The following CFLAR variants were observed in gnomAD, a reference collection of about 807,000 sequenced individuals.
CFLAR encodes CASP8 and FADD like apoptosis regulator.
In CFLAR, 14 loss-of-function variants were observed where a neutral mutation model predicts 51.1. The ratio of observed to expected loss-of-function variants is 0.27; its 90% CI spans 0.18 to 0.43. CFLAR has a LOEUF of 0.43. Ranked by LOEUF, CFLAR falls within the 20% of genes least tolerant of loss-of-function variation. The probability of loss-of-function intolerance (pLI) is 1.00; values close to 1 mark genes in which losing one functional copy is unlikely to be tolerated. For synonymous variants in CFLAR, 210 were observed against 211.6 expected (o/e 0.99, Z 0.06); for missense variants, 390 against 566.5 (o/e 0.69, Z 3.16).
chr2:201,133,314 G>T (rs546190758), intron 3 of CFLAR, among the ~76,000 whole-genome samples, 180 bp downstream of exon 3: 2 of 152,168 alleles, frequency 1.3e-5, no homozygotes, highest in Admixed American at 6.5e-5. Flanking sequence ...GAAGAAATAG[G>T]ATTATAACAT....
intron 6 of CFLAR, 178 bp from the exon 7 acceptor site, chr2:201,148,825 A>T (rs1435379256): frequency 1.9e-6 from 1 of 540,532 alleles, no homozygotes; most frequent in Non-Finnish European, 3.4e-6. Flanking sequence ...GTGTTTTCTT[A>T]TGTCACTTTC....
chr2:201,149,184 T>C (rs1048772117), intron 7 of CFLAR, 132 bp downstream of exon 7: 3 of 628,108 alleles, frequency 4.8e-6, no homozygotes, highest in African/African-American at 3.7e-5. Flanking sequence ...TCCTGAGAAC[T>C]TCCATACAAG....
At position 201,136,097 on chromosome 2, in the gene CFLAR, C is replaced by T. The variant is rs1419993425; in HGVS notation, c.513C>T (p.Tyr171=). ...ACCTGAAGACAAAAATCCAGAAGTA[C>T]AAGCAGTCTGGTAAGAATTTTGGCC... ...RIDLKTKIQK[Y]KQSVQGAGTS... is the part of the protein sequence containing the mutation. The change falls in exon 4 of 10, where the codon TAC becomes TAT. Residue 171 remains tyrosine (Y), a synonymous_variant. Transcript: ENST00000309955. 6.2e-7 allele frequency: 1 copy of T among 1,613,670 alleles called. No homozygotes were observed. The highest frequency in any genetic ancestry group is 8.5e-7 in the Non-Finnish European group (1 of 1,179,966).
intron 5 of CFLAR, 133 bp downstream of exon 5, chr2:201,140,572 A>G: frequency 1.6e-6 from 1 of 627,344 alleles, no homozygotes; most frequent in Non-Finnish European, 2.7e-6. Context: ...TATTTGTTTT[A>G]AAAACGTGTA....
chr2:201,159,376 G>A (rs1161640679), intron 8 of CFLAR, among the ~76,000 whole-genome samples: 1 of 150,906 alleles, frequency 6.6e-6, no homozygotes, highest in Non-Finnish European at 1.5e-5. Flanking sequence ...GTGTCACAAT[G>A]TTGGCTCACT....
At chr2:201,123,704 A>G (rs2048409160) in intron 1 of CFLAR, among the ~76,000 whole-genome samples, 1 of 152,180 alleles carries the variant, frequency 6.6e-6, no homozygotes, top group Non-Finnish European at 1.5e-5. Context: ...ATAAAATATG[A>G]CTTCTAATTT....
Position 201,145,450 on chromosome 2 carries a change from T to G in CFLAR, c.661+18T>G. Reference sequence around the variant, plus strand: ...CGCTCAACGTAAGACCACCTTTTTTTAATATTCATTATTTATAAATGCTTG... The same window carrying G: ...CGCTCAACGTAAGACCACCTTTTTTGAATATTCATTATTTATAAATGCTTG... On this transcript the variant is annotated intron_variant, in intron 6 of 9. Coordinates refer to ENST00000309955, the MANE Select transcript of CFLAR (RefSeq NM_003879.7). 1 of 1,505,152 alleles carries G rather than the reference T, an allele frequency of 6.6e-7. No homozygotes were observed. The highest frequency in any genetic ancestry group is 1.2e-5 in the South Asian group (1 of 86,866). 93.2% of individuals were successfully genotyped at this position (1,505,152 alleles called of 1,614,324 possible). A position where few individuals can be genotyped will look rare whatever the true frequency, so the allele number is the denominator to read the frequency against.
chr2:201,142,482 G>C lies in CFLAR; in HGVS notation c.606+2043G>C, dbSNP rs938066099. On this transcript the variant is annotated intron_variant, in intron 5 of 9. Transcript: ENST00000309955. ...CAAAATAAGGAAACTTAGCCCTAAA[G>C]AACATTAACTGATTGTCTACTTCTA... Among the ~76,000 whole-genome samples the C allele has an allele frequency of 1.1e-4, 17 of 152,100 alleles. 1 individual carries two copies. The highest frequency in any genetic ancestry group is 9.2e-4 in the Admixed American group (14 of 15,270).
chr2:201,153,599 T>C (rs1410734689), intron 8 of CFLAR: 2 of 152,234 alleles, frequency 1.3e-5, no homozygotes, highest in African/African-American at 2.4e-5. Flanking sequence ...CTGGTTAACA[T>C]TGAACACTTG....
chr2:201,145,268 T>A, intron 5 of CFLAR, 110 bp from the exon 6 acceptor site: 1 of 633,424 alleles, frequency 1.6e-6, no homozygotes, highest in Non-Finnish European at 2.8e-6. Context: ...ACGATATTTT[T>A]ATTTTTTTCC....
In CFLAR at chr2:201,174,623, T is replaced by C. The variant is rs1025402518; in HGVS notation, c.*10650T>C. The C allele has an allele frequency of 2.6e-5, 4 of 152,178 alleles. No homozygotes were observed. Among genetic ancestry groups the C allele is most frequent in the African/African-American group, 7.2e-5 (3 of 41,418 alleles). The allele number at this position is 152,178 out of a possible 1,614,324, so 9.4% of individuals were successfully genotyped here. A position where few individuals can be genotyped will look rare whatever the true frequency, so the allele number is the denominator to read the frequency against. ...GTCTCAAACTCCTGGCCTCAAACAA[T>C]CCTCCCACCTCCACCTCCCAAAGTG... On this transcript the variant is annotated 3_prime_UTR_variant, in exon 10 of 10. Coordinates refer to ENST00000309955, the MANE Select transcript of CFLAR (RefSeq NM_003879.7).
chr2:201,157,518 A>G (rs1463137710), intron 8 of CFLAR, among the ~76,000 whole-genome samples: 1 of 152,008 alleles, frequency 6.6e-6, no homozygotes, highest in Non-Finnish European at 1.5e-5. Flanking sequence ...TGATGACTAC[A>G]GGCTTGTACT....
rs2125852462 is a variant in CFLAR at position 201,149,740 on chromosome 2, GTCTT to G, written c.712-13_712-10del. 1 of 1,600,482 alleles carries G rather than the reference GTCTT, an allele frequency of 6.2e-7. No individual in the cohort carries two copies. Among genetic ancestry groups the G allele is most frequent in the African/African-American group, 1.3e-5 (1 of 74,710 alleles). The stretch of plus-strand genomic sequence containing the variant: ...ATATCCAGAGTCTTTAGCATTTCTT[GTCTT>G]CCTTTCCAGAGCATACCTGAAGAGA... On this transcript the variant is annotated splice_polypyrimidine_tract_variant and intron_variant, in intron 7 of 9. Coordinates refer to ENST00000309955, the MANE Select transcript of CFLAR (RefSeq NM_003879.7).
chr2:201,145,424 G>A lies in CFLAR; in HGVS notation c.653G>A (p.Gly218Asp). Reference sequence around the variant, plus strand: ...GAACAAAGACTTAAGGAACAGCTTGGCGCTCAACGTAAGACCACCTTTTTT... The same window carrying A: ...GAACAAAGACTTAAGGAACAGCTTGACGCTCAACGTAAGACCACCTTTTTT... ...SKEQRLKEQL[G>D]AQQEPVKKSI... Residue 218 changes from glycine to aspartate, a missense_variant, in exon 6 of 10, where the codon GGC becomes GAC. This residue lies in a region of CFLAR where 287 missense variants were observed against 363.6 expected (regional missense o/e 0.79). Transcript: ENST00000309955. 1.0e-5 allele frequency: 16 copies of A among 1,602,792 alleles called. No homozygotes were observed. Among genetic ancestry groups the A allele is most frequent in the Non-Finnish European group, 1.3e-5 (15 of 1,170,674 alleles).
chr2:201,158,803 A>G lies in CFLAR; in HGVS notation c.794-1629A>G, dbSNP rs577332771. Among the ~76,000 whole-genome samples the G allele has an allele frequency of 2.3e-3, 344 of 151,896 alleles. 1 individual carries two copies. The highest frequency in any genetic ancestry group is 7.6e-3 in the African/African-American group (316 of 41,476). ...CTTCAAAAAGGCTGTGCAAAATTAC[A>G]GTCCTGATAACAGCTACCCAGAGAT... On this transcript the variant is annotated intron_variant, in intron 8 of 9. Transcript: ENST00000309955.
chr2:201,146,674 A>G (rs1940252375), intron 6 of CFLAR: 3 of 152,260 alleles, frequency 2.0e-5, no homozygotes, highest in African/African-American at 7.2e-5. Context: ...GTGGTTCCGA[A>G]CTCCAGGAAA....
At chr2:201,140,033 C>A in intron 4 of CFLAR, 1 of 313,084 alleles carries the variant, frequency 3.2e-6, no homozygotes, top group Non-Finnish European at 6.5e-6. Context: ...CTCATGCTGC[C>A]GCGAGACCCC....
intron 5 of CFLAR, among the ~76,000 whole-genome samples, chr2:201,142,289 AT>A (rs200647019): frequency 4.6e-5 from 7 of 150,690 alleles, no homozygotes; most frequent in African/African-American, 1.2e-4. Context: ...AGAAAAAAAA[AT>A]ATTATATATA....
Position 201,130,020 on chromosome 2 carries a change from T to A in CFLAR, c.155T>A (p.Val52Asp). ...TTACGGGAAAGAGGTAAGCTGTCTG[T>A]CGGGGACTTGGCTGAACTGCTCTAC... Reference protein sequence around the residue: ...DILRERGKLSVGDLAELLYRV... With the variant: ...DILRERGKLSDGDLAELLYRV... The change falls in exon 2 of 10, where the codon GTC (valine) becomes GAC (aspartate). Residue 52 changes from valine to aspartate, a missense_variant. Around this residue, in one of 2 missense-constraint regions of CFLAR, gnomAD observed 103 missense variants for 202.9 expected, o/e 0.51. Transcript: ENST00000309955. 6.2e-7 allele frequency: 1 copy of A among 1,614,162 alleles called. No homozygotes were observed. The highest frequency in any genetic ancestry group is 8.5e-7 in the Non-Finnish European group (1 of 1,180,042).
Sources: gnomAD v4.1 joint callset for allele counts (sites outside exome capture counted in the v4.1 genomes callset) on GRCh38, gnomAD v4.1.1 for gene constraint, gnomAD v4.1.1 regional missense constraint, MANE v1.5 for transcripts, NCBI Gene and HGNC (gene_info 2026-07-23, HGNC 2026-07-21) for gene names.